Variants in AKAP6 observed in about 807,000 individuals in gnomAD.
The protein encoded by AKAP6 is A-kinase anchor protein 6.
AKAP6 carries 58 observed loss-of-function variants against 188.5 expected under a neutral mutation model. That is an observed-to-expected ratio of 0.31 (90% CI 0.25 to 0.38). The LOEUF (loss-of-function observed/expected upper bound fraction) is 0.38, where lower values mean the gene tolerates loss of function less well. Ranked by LOEUF, AKAP6 falls within the 10% of genes least tolerant of loss-of-function variation. The pLI is 1.00. For synonymous variants in AKAP6, 989 were observed against 998.6 expected (o/e 0.99, Z 0.18); for missense variants, 2,710 against 2,740.0 (o/e 0.99, Z 0.24).
chr14:32,427,146 CT>C (rs1479639516), intron 1 of AKAP6, among the ~76,000 whole-genome samples: 3 of 152,142 alleles, frequency 2.0e-5, no homozygotes, highest in Non-Finnish European at 2.9e-5. Flanking sequence ...TGTTTCCCCC[CT>C]GGGGCACTTG....
intron 12 of AKAP6, among the ~76,000 whole-genome samples, chr14:32,807,252 G>A (rs937481807): frequency 2.5e-4 from 38 of 151,438 alleles, no homozygotes; most frequent in East Asian, 7.8e-4. Flanking sequence ...CCTGAGTGCA[G>A]GAGCTCAAGG....
At chr14:32,780,310 T>C (rs1320528625) in intron 12 of AKAP6, among the ~76,000 whole-genome samples, 4 of 151,658 alleles carry the variant, frequency 2.6e-5, no homozygotes, top group Non-Finnish European at 5.9e-5. Flanking sequence ...AGAAAAATAT[T>C]ACATGATCTC....
intron 1 of AKAP6, among the ~76,000 whole-genome samples, chr14:32,408,479 G>C (rs1196450625): frequency 6.7e-6 from 1 of 149,794 alleles, no homozygotes; most frequent in Non-Finnish European, 1.5e-5. Context: ...TTGGGTGATG[G>C]TTTTAATTAC....
At chr14:32,467,735 C>A (rs538297995) in intron 2 of AKAP6, among the ~76,000 whole-genome samples, 24 of 152,096 alleles carry the variant, frequency 1.6e-4, no homozygotes, top group African/African-American at 5.8e-4. Context: ...TGGAAGAGGT[C>A]AGAATCCCAA....
At chr14:32,364,614 C>G (rs544192808) in intron 1 of AKAP6, among the ~76,000 whole-genome samples, 157 of 152,274 alleles carry the variant, frequency 1.0e-3, no homozygotes, top group Non-Finnish European at 1.9e-3. Flanking sequence ...TCCTCCCTCT[C>G]CACTCCAATA....
At chr14:32,540,649 C>T (rs1424470079) in intron 3 of AKAP6, among the ~76,000 whole-genome samples, 1 of 152,146 alleles carries the variant, frequency 6.6e-6, no homozygotes, top group East Asian at 1.9e-4. Context: ...AACTCCATAT[C>T]TTCCTGAGAC....
intron 1 of AKAP6, among the ~76,000 whole-genome samples, chr14:32,358,600 T>C (rs987167870): frequency 6.6e-6 from 1 of 152,134 alleles, no homozygotes; most frequent in Non-Finnish European, 1.5e-5. Flanking sequence ...TCAAGAGGAC[T>C]GTCATAACAG....
chr14:32,434,965 T>G (rs1214973369), intron 2 of AKAP6, among the ~76,000 whole-genome samples: 1 of 152,160 alleles, frequency 6.6e-6, no homozygotes, highest in Non-Finnish European at 1.5e-5. Flanking sequence ...TACAGGTTAT[T>G]AGGGAAAAAA....
At chr14:32,463,358 C>T (rs1166109911) in intron 2 of AKAP6, among the ~76,000 whole-genome samples, 2 of 152,168 alleles carry the variant, frequency 1.3e-5, no homozygotes, top group African/African-American at 4.8e-5. Flanking sequence ...AAGTAAAACA[C>T]TCCTCACCAA....
At chr14:32,419,858 AC>A (rs1164517963) in intron 1 of AKAP6, among the ~76,000 whole-genome samples, 2 of 151,958 alleles carry the variant, frequency 1.3e-5, no homozygotes, top group Non-Finnish European at 2.9e-5. Context: ...GTTGTACCCC[AC>A]CCAGTCTTAT....
intron 2 of AKAP6, among the ~76,000 whole-genome samples, chr14:32,507,083 A>G (rs1183715048): frequency 6.6e-6 from 1 of 152,222 alleles, no homozygotes; most frequent in African/African-American, 2.4e-5. Flanking sequence ...AAGATTGAGT[A>G]AAATTTTTGA....
At chr14:32,509,120 CTTTTTTTT>C (rs368423502) in intron 2 of AKAP6, among the ~76,000 whole-genome samples, 211 of 94,756 alleles carry the variant, frequency 2.2e-3, no homozygotes, top group African/African-American at 3.3e-3. Context: ...TGCCCTGCCT[CTTTTTTTT>C]TTTTTTTTTT....
chr14:32,480,188 A>G (rs1357174080), intron 2 of AKAP6, among the ~76,000 whole-genome samples: 1 of 152,188 alleles, frequency 6.6e-6, no homozygotes, highest in Non-Finnish European at 1.5e-5. Context: ...TGACTGAGAG[A>G]AAAATACTAA....
intron 5 of AKAP6, among the ~76,000 whole-genome samples, chr14:32,595,869 C>T (rs983342946): frequency 1.3e-5 from 2 of 152,124 alleles, no homozygotes; most frequent in African/African-American, 4.8e-5. Flanking sequence ...ATCTCCTTTA[C>T]ACAATAGAAT....
chr14:32,517,394 G>A (rs546799914), intron 2 of AKAP6, among the ~76,000 whole-genome samples: 18 of 152,288 alleles, frequency 1.2e-4, no homozygotes, highest in Admixed American at 2.6e-4. Context: ...TGATTTCTGC[G>A]TTTCCAACTG....
chr14:32,357,441 T>C (rs1168535639), intron 1 of AKAP6, among the ~76,000 whole-genome samples: 1 of 152,246 alleles, frequency 6.6e-6, no homozygotes, highest in African/African-American at 2.4e-5. Context: ...TTTTGTATGA[T>C]GTTCTTTTCT....
intron 1 of AKAP6, among the ~76,000 whole-genome samples, chr14:32,366,612 C>A (rs531357180): frequency 6.6e-6 from 1 of 152,136 alleles, no homozygotes; most frequent in Non-Finnish European, 1.5e-5. Flanking sequence ...ACTGGCATTG[C>A]ATATTTTATC....
At chr14:32,778,834 G>A (rs953925284) in intron 12 of AKAP6, among the ~76,000 whole-genome samples, 4 of 150,466 alleles carry the variant, frequency 2.7e-5, no homozygotes, top group East Asian at 2.0e-4. Flanking sequence ...GGCATGAGTC[G>A]CCATGCCTAG....
At chr14:32,576,333 T>C (rs905876675) in intron 4 of AKAP6, among the ~76,000 whole-genome samples, 9 of 152,142 alleles carry the variant, frequency 5.9e-5, no homozygotes, top group Non-Finnish European at 1.2e-4. Flanking sequence ...CCCATTTCTT[T>C]CACTTAGGTT....
Sources: gnomAD v4.1 joint callset for allele counts (sites outside exome capture counted in the v4.1 genomes callset) on GRCh38, gnomAD v4.1.1 for gene constraint, MANE v1.5 for transcripts, NCBI Gene and HGNC (gene_info 2026-07-23, HGNC 2026-07-21) for gene names.